The following EFCAB6 variants were observed in gnomAD, a reference collection of about 807,000 sequenced individuals.
EFCAB6 encodes EF-hand calcium-binding domain-containing protein 6.
EFCAB6 carries 156 observed loss-of-function variants against 169.8 expected under a neutral mutation model. That is an observed-to-expected ratio of 0.92 (90% CI 0.81 to 1.05). The LOEUF (loss-of-function observed/expected upper bound fraction) is 1.05, where lower values mean the gene tolerates loss of function less well. Among genes scored for constraint, EFCAB6 ranks in the 50% least tolerant of loss-of-function variants. EFCAB6 has a pLI of 0.00. For missense variants in EFCAB6, 1,800 were observed against 1,829.1 expected (o/e 0.98, Z 0.29); for synonymous variants, 698 against 676.4 (o/e 1.03, Z -0.50).
intron 20 of EFCAB6, 146 bp from the exon 21 acceptor site, chr22:43,616,068 T>G (rs780651236): frequency 8.7e-5 from 52 of 599,116 alleles, no homozygotes; most frequent in Non-Finnish European, 1.4e-4. Context: ...ATTCTTAAAA[T>G]ACAGTCTTAT....
intron 11 of EFCAB6, among the ~76,000 whole-genome samples, chr22:43,686,187 T>C (rs971265741): frequency 6.6e-5 from 10 of 152,086 alleles, no homozygotes; most frequent in Non-Finnish European, 1.0e-4. Context: ...TCCATGTTGG[T>C]CAGGCTGGTC....
At chr22:43,684,771 A>G (rs2058127459) in intron 11 of EFCAB6, among the ~76,000 whole-genome samples, 1 of 152,220 alleles carries the variant, frequency 6.6e-6, no homozygotes, top group Non-Finnish European at 1.5e-5. Context: ...ATAGACGGCC[A>G]GCACTGGCAT....
At chr22:43,641,379 G>A (rs1271706735) in intron 17 of EFCAB6, among the ~76,000 whole-genome samples, 1 of 152,216 alleles carries the variant, frequency 6.6e-6, no homozygotes, top group East Asian at 1.9e-4. Flanking sequence ...ACTTTGGGAG[G>A]CTGAGGCGGG....
At chr22:43,621,433 A>G (rs2054108149) in intron 20 of EFCAB6, among the ~76,000 whole-genome samples, 1 of 152,150 alleles carries the variant, frequency 6.6e-6, no homozygotes, top group African/African-American at 2.4e-5. Flanking sequence ...GAAATTAAAC[A>G]ACACACTTCT....
chr22:43,604,849 G>T (rs1267031386), intron 22 of EFCAB6, among the ~76,000 whole-genome samples: 2 of 152,158 alleles, frequency 1.3e-5, no homozygotes, highest in African/African-American at 2.4e-5. Flanking sequence ...AAACTTTCTG[G>T]CAGGTCTGCT....
In EFCAB6 at chr22:43,537,550, C is replaced by G. The variant is rs1466570991; in HGVS notation, c.3880-5G>C. ...CACGGTGGTGCTCGCTGGAGTCTAG[C>G]AGGGAAGAAAAGAAAAGGCTCTTTT... On this transcript the variant is annotated splice_polypyrimidine_tract_variant and splice_region_variant and intron_variant, in intron 28 of 31. Transcript: ENST00000262726. The surrounding 1 kb of genome is among the most constrained non-coding windows in gnomAD (Gnocchi z 4.3). The G allele has an allele frequency of 6.2e-7, 1 of 1,605,208 alleles. No homozygotes were observed. Among genetic ancestry groups the G allele is most frequent in the African/African-American group, 1.3e-5 (1 of 74,648 alleles).
intron 21 of EFCAB6, among the ~76,000 whole-genome samples, chr22:43,610,105 C>T (rs2053200483): frequency 6.6e-6 from 1 of 152,174 alleles, no homozygotes; most frequent in Non-Finnish European, 1.5e-5. Context: ...TGTGAGAGAA[C>T]ATCTTCATGA....
chr22:43,775,395 G>A (rs2061607063), intron 3 of EFCAB6, among the ~76,000 whole-genome samples: 1 of 152,136 alleles, frequency 6.6e-6, no homozygotes, highest in African/African-American at 2.4e-5. Context: ...TACATGACAT[G>A]TGTGATCTCC....
Position 43,557,640 on chromosome 22 carries a change from A to G in EFCAB6, c.3421-2544T>C, listed in dbSNP as rs2048786478. On this transcript the variant is annotated intron_variant, in intron 26 of 31. Transcript: ENST00000262726. ...ATTTTTACATTAGTCAAAATATTCCAGAACACAGAAAGAGTCATATTCCAA... is the reference window on the plus strand; with the variant it reads ...ATTTTTACATTAGTCAAAATATTCCGGAACACAGAAAGAGTCATATTCCAA... Among the ~76,000 whole-genome samples the G allele has an allele frequency of 4.6e-5, 7 of 152,230 alleles. No individual in the cohort carries two copies. In the South Asian group the frequency reaches 1.4e-3, roughly 31 times the overall value.
rs181002712 is a variant in EFCAB6, at chr22:43,532,506, C to T, written c.4234-1542G>A. Among the ~76,000 whole-genome samples, 143 of 152,196 alleles carry T rather than the reference C, an allele frequency of 9.4e-4. 1 individual carries two copies. The highest frequency in any genetic ancestry group is 1.8e-3 in the Non-Finnish European group (121 of 68,028). Reference sequence around the variant, plus strand: ...GTCTCCATGTTCTCCACGTTCGTGGCTCCCGTGAAGATGGAATGGGGACAG... The same window carrying T: ...GTCTCCATGTTCTCCACGTTCGTGGTTCCCGTGAAGATGGAATGGGGACAG... On this transcript the variant is annotated intron_variant, in intron 30 of 31. Transcript: ENST00000262726.
At chr22:43,618,431 G>A (rs897791784) in intron 20 of EFCAB6, among the ~76,000 whole-genome samples, 2 of 152,090 alleles carry the variant, frequency 1.3e-5, no homozygotes, top group African/African-American at 4.8e-5. Context: ...TTAAGATGGA[G>A]TAGGCACACT....
chr22:43,760,203 C>CAAAAAAA (rs371022953), intron 5 of EFCAB6, among the ~76,000 whole-genome samples: 1 of 104,566 alleles, frequency 9.6e-6, no homozygotes. Flanking sequence ...GACTCTGTCT[C>CAAAAAAA]AAAAAAAAAA....
intron 21 of EFCAB6, among the ~76,000 whole-genome samples, chr22:43,614,457 A>T (rs1435677461): frequency 1.3e-5 from 2 of 152,244 alleles, no homozygotes; most frequent in Non-Finnish European, 2.9e-5. Flanking sequence ...CACAGACCTT[A>T]TACCCTCCAC....
At chr22:43,798,714 G>C (rs1196567303) in intron 2 of EFCAB6, among the ~76,000 whole-genome samples, 1 of 152,142 alleles carries the variant, frequency 6.6e-6, no homozygotes, top group Non-Finnish European at 1.5e-5. Flanking sequence ...CAGAATGAAC[G>C]CATGAGTGGA....
chr22:43,586,366 T>TTTTTTTTTTTG (rs2051071123), intron 24 of EFCAB6, among the ~76,000 whole-genome samples: 3 of 125,368 alleles, frequency 2.4e-5, no homozygotes, highest in African/African-American at 9.3e-5. Flanking sequence ...TTTTTTTTTT[T>TTTTTTTTTTTG]GTGACGTGGT....
intron 12 of EFCAB6, among the ~76,000 whole-genome samples, chr22:43,680,231 ATT>A (rs2057949096): frequency 1.3e-5 from 2 of 152,122 alleles, no homozygotes; most frequent in South Asian, 4.1e-4. Flanking sequence ...CCCCCACTGA[ATT>A]TGTCAAAAAT....
At chr22:43,656,899 T>C (rs2056773985) in intron 17 of EFCAB6, among the ~76,000 whole-genome samples, 1 of 152,242 alleles carries the variant, frequency 6.6e-6, no homozygotes, top group South Asian at 2.1e-4. Context: ...TTTCTCAGAA[T>C]GTGTCCCTGT....
At chr22:43,599,227 C>T (rs1278804937) in intron 23 of EFCAB6, among the ~76,000 whole-genome samples, 1 of 152,110 alleles carries the variant, frequency 6.6e-6, no homozygotes, top group Non-Finnish European at 1.5e-5. Flanking sequence ...GGAGGGTATT[C>T]CCTTTGTTGT....
chr22:43,668,312 A>T (rs1049467466), intron 16 of EFCAB6, among the ~76,000 whole-genome samples: 8 of 152,262 alleles, frequency 5.3e-5, no homozygotes, highest in Non-Finnish European at 1.0e-4. Context: ...ATATCTTTTC[A>T]TTAAACTAAA....
Sources: gnomAD v4.1 joint callset for allele counts (sites outside exome capture counted in the v4.1 genomes callset) on GRCh38, gnomAD v4.1.1 for gene constraint, Gnocchi (gnomAD v3.1) non-coding constraint, MANE v1.5 for transcripts, NCBI Gene and HGNC (gene_info 2026-07-23, HGNC 2026-07-21) for gene names.